STXBP4: variants seen among roughly 807,000 people sequenced by gnomAD.
STXBP4 encodes the protein syntaxin binding protein 4.
In STXBP4, 55 loss-of-function variants were observed where a neutral mutation model predicts 76.1. The ratio of observed to expected loss-of-function variants is 0.72; its 90% confidence interval spans 0.58 to 0.91. STXBP4 has a LOEUF of 0.91. STXBP4 is among the 40% of genes least tolerant of loss of function. STXBP4 has a pLI of 0.00. For missense variants in STXBP4, 618 were observed against 636.9 expected (o/e 0.97, Z 0.32); for synonymous variants, 201 against 220.2 (o/e 0.91, Z 0.77).
At chr17:55,108,772 G>T (rs1184102574) in intron 16 of STXBP4, among the ~76,000 whole-genome samples, 1 of 152,048 alleles carries the variant, frequency 6.6e-6, no homozygotes, top group Non-Finnish European at 1.5e-5. Context: ...GATAAGCTGG[G>T]TACCTCAGTT....
rs922902798 is a variant in STXBP4 at position 55,164,150 on chromosome 17, G to A, written c.*4239G>A. ...AAACAGAATGTGCCTGTGGAGCTTCGCTTTAGAAATGAAATACCCAAGGTG... is the reference window on the plus strand; with the variant it reads ...AAACAGAATGTGCCTGTGGAGCTTCACTTTAGAAATGAAATACCCAAGGTG... On this transcript the variant is annotated 3_prime_UTR_variant, in exon 18 of 18. Transcript: ENST00000376352. 3.3e-5 allele frequency: 5 copies of A among 152,272 alleles called. No homozygotes were observed. The highest frequency in any genetic ancestry group is 2.0e-4 in the Admixed American group (3 of 15,290). 9.4% of individuals were successfully genotyped at this position (152,272 alleles called of 1,614,324 possible). A position where few individuals can be genotyped will look rare whatever the true frequency, so the allele number is the denominator to read the frequency against.
At chr17:55,077,254 G>T (rs1478586410) in intron 13 of STXBP4, among the ~76,000 whole-genome samples, 2 of 152,072 alleles carry the variant, frequency 1.3e-5, no homozygotes, top group African/African-American at 2.4e-5. Context: ...AATTCTTTGA[G>T]CTCTGAGTTT....
At position 55,000,829 on chromosome 17, in the gene STXBP4, A is replaced by G. The variant is rs766567821; in HGVS notation, c.520A>G (p.Thr174Ala). The G allele has an allele frequency of 3.1e-6, 5 of 1,611,030 alleles. No homozygotes were observed. In the East Asian group the frequency reaches 1.1e-4, roughly 36 times the overall value. Residue 174 changes from threonine to alanine, a missense_variant, in exon 7 of 18, where the codon ACA becomes GCA. Transcript: ENST00000376352. ...ACAGATAAAAACTGGATACAACAAA[A>G]CAGTACAGATTCCAATTACTTCAGA... ...SCEIKTGYNK[T>A]VQIPITSENS...
chr17:55,086,757 CT>C (rs1311351549), intron 16 of STXBP4, among the ~76,000 whole-genome samples: 4 of 152,106 alleles, frequency 2.6e-5, no homozygotes, highest in Non-Finnish European at 1.5e-5. Context: ...AATATGCTGA[CT>C]TTCTTTTCTT....
Position 55,162,062 on chromosome 17 carries a change from T to C in STXBP4, c.*2151T>C, listed in dbSNP as rs1260317972. 2 of 152,276 alleles carry C rather than the reference T, an allele frequency of 1.3e-5. No individual in the cohort carries two copies. The highest frequency in any genetic ancestry group is 1.5e-5 in the Non-Finnish European group (1 of 68,026). The allele number at this position is 152,276 out of a possible 1,614,324, so 9.4% of individuals were successfully genotyped here. A position where few individuals can be genotyped will look rare whatever the true frequency, so the allele number is the denominator to read the frequency against. The stretch of plus-strand genomic sequence containing the variant: ...AAGAAAAGAATTCCCCAGGAGAAAA[T>C]GGAAACACTATCCCAGCAATCTGAA... On this transcript the variant is annotated 3_prime_UTR_variant, in exon 18 of 18. Coordinates refer to ENST00000376352, the MANE Select transcript of STXBP4 (RefSeq NM_178509.6).
chr17:55,167,171 T>C lies in STXBP4; in HGVS notation c.*7260T>C, dbSNP rs570892011. 3 of 152,292 alleles carry C rather than the reference T, an allele frequency of 2.0e-5. No homozygotes were observed. Among genetic ancestry groups the C allele is most frequent in the East Asian group, 1.9e-4 (1 of 5,182 alleles). The allele number at this position is 152,292 out of a possible 1,614,324, so 9.4% of individuals were successfully genotyped here. ...AATAAAGTATCAATCACACTATATATGTAATTAATTTGGATAGGAAAGTAG... is the reference window on the plus strand; with the variant it reads ...AATAAAGTATCAATCACACTATATACGTAATTAATTTGGATAGGAAAGTAG... On this transcript the variant is annotated 3_prime_UTR_variant, in exon 18 of 18. Coordinates refer to ENST00000376352, the MANE Select transcript of STXBP4 (RefSeq NM_178509.6).
chr17:55,151,469 T>A (rs940971490), intron 17 of STXBP4, among the ~76,000 whole-genome samples: 1 of 152,244 alleles, frequency 6.6e-6, no homozygotes, highest in African/African-American at 2.4e-5. Flanking sequence ...ATCAAATGAA[T>A]GATCTCAATA....
At chr17:55,185,329 C>CCTTCTCCTTCTCCTTCTCCTTCTCCTT in the STXBP4 span, among the ~76,000 whole-genome samples, 1 of 138,388 alleles carries the variant, frequency 7.2e-6, no homozygotes, top group South Asian at 2.5e-4. Flanking sequence ...TTCTCCTTCT[C>CCTTCTCCTTCTCCTTCTCCTTCTCCTT]CTCCTCCTCC....
chr17:55,197,521 A>G, the STXBP4 span, among the ~76,000 whole-genome samples: 51 of 152,214 alleles, frequency 3.4e-4, no homozygotes, highest in Admixed American at 3.3e-3. Flanking sequence ...AGGCGGGCAG[A>G]TAACGAGGTC....
chr17:55,115,962 A>T (rs2079775811), intron 16 of STXBP4, among the ~76,000 whole-genome samples: 1 of 151,832 alleles, frequency 6.6e-6, no homozygotes. Context: ...TTACCTTCCA[A>T]TTCTTTTCTG....
chr17:55,153,776 G>A (rs244291), intron 17 of STXBP4, among the ~76,000 whole-genome samples: 91,484 of 151,948 alleles, frequency 0.6, 27,880 homozygotes, highest in African/African-American at 0.67. Flanking sequence ...ACGTGGAAAC[G>A]TTGACAGTGG....
chr17:54,975,104 C>T (rs1408521346), intron 1 of STXBP4, among the ~76,000 whole-genome samples: 1 of 152,134 alleles, frequency 6.6e-6, no homozygotes, highest in African/African-American at 2.4e-5. Flanking sequence ...TAGATAAGCC[C>T]TGTGTTTGTT....
At chr17:54,992,135 C>T (rs954758240) in intron 4 of STXBP4, among the ~76,000 whole-genome samples, 4 of 152,010 alleles carry the variant, frequency 2.6e-5, no homozygotes, top group Admixed American at 6.6e-5. Context: ...GTTATAGAGG[C>T]CAGGCATGGT....
chr17:55,067,138 A>G lies in STXBP4; in HGVS notation c.1012-5762A>G, dbSNP rs1486375850. 2.0e-5 allele frequency among the ~76,000 whole-genome samples: 3 copies of G among 152,198 alleles called. No individual in the cohort carries two copies. The East Asian group carries it at 5.8e-4, about 29-fold the overall frequency. Reference sequence around the variant, plus strand: ...TATCTCATTTTATGTTAAGTAGAGTACCTGCTCATATTAGATAGGGTTTTT... The same window carrying G: ...TATCTCATTTTATGTTAAGTAGAGTGCCTGCTCATATTAGATAGGGTTTTT... On this transcript the variant is annotated intron_variant, in intron 12 of 17. Transcript: ENST00000376352.
At chr17:55,009,340 T>G (rs572518637) in intron 8 of STXBP4, among the ~76,000 whole-genome samples, 1 of 152,322 alleles carries the variant, frequency 6.6e-6, no homozygotes, top group South Asian at 2.1e-4. Context: ...AAATGAATAA[T>G]TATTCAATGA....
chr17:54,999,506 C>CA (rs2077871987), intron 5 of STXBP4, 55 bp downstream of exon 5: 3 of 1,506,854 alleles, frequency 2.0e-6, no homozygotes, highest in Admixed American at 3.8e-5. Flanking sequence ...TCCTTGAAAG[C>CA]AGTAATTTAA....
intron 16 of STXBP4, among the ~76,000 whole-genome samples, chr17:55,088,520 C>A (rs2079367747): frequency 6.6e-6 from 1 of 152,126 alleles, no homozygotes; most frequent in African/African-American, 2.4e-5. Flanking sequence ...CCTCAGCCTC[C>A]TGAGTAGCTG....
At chr17:55,157,726 G>A (rs1192058530) in intron 17 of STXBP4, among the ~76,000 whole-genome samples, 1 of 152,118 alleles carries the variant, frequency 6.6e-6, no homozygotes, top group African/African-American at 2.4e-5. Context: ...ATTTGTGTAG[G>A]GGGAACATGA....
At chr17:55,012,243 T>C (rs941170410) in intron 8 of STXBP4, among the ~76,000 whole-genome samples, 2 of 152,160 alleles carry the variant, frequency 1.3e-5, no homozygotes, top group Non-Finnish European at 2.9e-5. Context: ...TTTTCCTTCT[T>C]CGGTGGCTAG....
Sources: gnomAD v4.1 joint callset for allele counts (sites outside exome capture counted in the v4.1 genomes callset) on GRCh38, gnomAD v4.1.1 for gene constraint, MANE v1.5 for transcripts, NCBI Gene and HGNC (gene_info 2026-07-23, HGNC 2026-07-21) for gene names.